AGBL4: variants seen among roughly 807,000 people sequenced by gnomAD.
AGBL4 encodes AGBL carboxypeptidase 4, also known as cytosolic carboxypeptidase 6.
A neutral mutation model predicts 66.4 loss-of-function variants in AGBL4; 58 were observed. The ratio of observed to expected loss-of-function variants is 0.87; its 90% CI spans 0.71 to 1.09. The LOEUF is 1.09. Among genes scored for constraint, AGBL4 ranks in the 50% least tolerant of loss-of-function variants. The pLI is 0.00. For missense variants in AGBL4, 579 were observed against 631.0 expected, an observed-to-expected ratio of 0.92 and a Z score of 0.88; for synonymous variants, 234 against 222.9, an observed-to-expected ratio of 1.05 and a Z score of -0.44.
intron 1 of AGBL4, among the ~76,000 whole-genome samples, chr1:49,970,241 T>C (rs1250644040): frequency 1.3e-5 from 2 of 151,592 alleles, no homozygotes; most frequent in African/African-American, 2.4e-5. Flanking sequence ...AAAGGAAAAA[T>C]AGACAAATAG....
the AGBL4 span, among the ~76,000 whole-genome samples, chr1:48,525,664 G>A: frequency 6.1e-3 from 934 of 152,268 alleles, 8 homozygotes; most frequent in Non-Finnish European, 8.1e-3. Flanking sequence ...AAGCTCTGGG[G>A]TTACTCCATC....
At chr1:48,717,819 C>T (rs1039643083) in intron 6 of AGBL4, among the ~76,000 whole-genome samples, 2 of 152,192 alleles carry the variant, frequency 1.3e-5, no homozygotes, top group Admixed American at 1.3e-4. Flanking sequence ...TTGACCCTCT[C>T]CCTTTTTAGC....
chr1:49,555,529 C>A (rs1653365248), intron 3 of AGBL4, among the ~76,000 whole-genome samples: 1 of 148,290 alleles, frequency 6.7e-6, no homozygotes, highest in Non-Finnish European at 1.5e-5. Context: ...TGTAAATGCA[C>A]CAATCAGCAC....
intron 3 of AGBL4, among the ~76,000 whole-genome samples, chr1:49,671,228 T>C (rs1646469451): frequency 6.6e-6 from 1 of 152,080 alleles, no homozygotes; most frequent in Non-Finnish European, 1.5e-5. Flanking sequence ...AAAAAATCAA[T>C]GGGGAAAAGA....
chr1:49,721,107 C>T (rs1031861104), intron 2 of AGBL4, among the ~76,000 whole-genome samples: 1 of 152,038 alleles, frequency 6.6e-6, no homozygotes, highest in Non-Finnish European at 1.5e-5. Flanking sequence ...TAAAAACGCA[C>T]CAATCAGTGC....
chr1:49,544,585 C>T (rs1271417650), intron 3 of AGBL4, among the ~76,000 whole-genome samples: 1 of 152,124 alleles, frequency 6.6e-6, no homozygotes, highest in Non-Finnish European at 1.5e-5. Flanking sequence ...AAAATACTAA[C>T]AATATAATCC....
At chr1:48,895,483 C>T (rs1651411833) in intron 5 of AGBL4, among the ~76,000 whole-genome samples, 1 of 152,252 alleles carries the variant, frequency 6.6e-6, no homozygotes, top group Non-Finnish European at 1.5e-5. Flanking sequence ...TGCTGGGAAA[C>T]ATCCTCAATC....
intron 3 of AGBL4, among the ~76,000 whole-genome samples, chr1:49,690,627 A>T (rs1646868343): frequency 1.3e-5 from 2 of 152,214 alleles, no homozygotes; most frequent in South Asian, 4.1e-4. Context: ...TAAATGAATG[A>T]ATTAATATAA....
chr1:48,634,091 C>T (rs1461050842), intron 9 of AGBL4: 3 of 154,988 alleles, frequency 1.9e-5, no homozygotes, highest in African/African-American at 7.2e-5. Context: ...ACTCAGCAGT[C>T]AAGTTCCCTA....
chr1:49,026,408 A>G (rs1181536335), intron 5 of AGBL4, among the ~76,000 whole-genome samples: 1 of 152,198 alleles, frequency 6.6e-6, no homozygotes, highest in Non-Finnish European at 1.5e-5. Flanking sequence ...TTTGATATAC[A>G]CAACAGAGTC....
At chr1:49,323,935 T>A (rs1645178100) in intron 3 of AGBL4, among the ~76,000 whole-genome samples, 1 of 152,210 alleles carries the variant, frequency 6.6e-6, no homozygotes, top group South Asian at 2.1e-4. Flanking sequence ...TTTTAGTTGC[T>A]TTTTCCCTGA....
chr1:48,825,012 G>A (rs1558020645), intron 6 of AGBL4, among the ~76,000 whole-genome samples: 1 of 152,216 alleles, frequency 6.6e-6, no homozygotes, highest in Non-Finnish European at 1.5e-5. Context: ...GATTTAATGT[G>A]AAGATGTACA....
chr1:48,825,380 C>G (rs1306458870), intron 6 of AGBL4, among the ~76,000 whole-genome samples: 3 of 152,156 alleles, frequency 2.0e-5, no homozygotes, highest in Admixed American at 2.0e-4. Context: ...AAATATCCCA[C>G]CTCAGAAAAG....
At chr1:49,013,517 C>T (rs1025353158) in intron 5 of AGBL4, among the ~76,000 whole-genome samples, 2 of 152,162 alleles carry the variant, frequency 1.3e-5, no homozygotes, top group African/African-American at 4.8e-5. Context: ...CTTCATAATA[C>T]CCAGGCAACC....
At position 48,607,294 on chromosome 1, in the gene AGBL4, C is replaced by T. The variant is rs143677908; in HGVS notation, c.952-16309G>A. On this transcript the variant is annotated intron_variant, in intron 9 of 13. Coordinates refer to ENST00000371839, the MANE Select transcript of AGBL4 (RefSeq NM_032785.4). ...GCTCAACAGCCACTGTGATAGACAACGCAAAGGAAATCTAACACCATCATA... is the reference window on the plus strand; with the variant it reads ...GCTCAACAGCCACTGTGATAGACAATGCAAAGGAAATCTAACACCATCATA... Among the ~76,000 whole-genome samples the T allele has an allele frequency of 3.7e-3, 570 of 152,184 alleles. 2 individuals are homozygous for T. Among genetic ancestry groups the T allele is most frequent in the Non-Finnish European group, 5.9e-3 (403 of 67,998 alleles).
chr1:48,971,421 A>G (rs967223565), intron 5 of AGBL4, among the ~76,000 whole-genome samples: 2 of 152,102 alleles, frequency 1.3e-5, no homozygotes, highest in East Asian at 3.9e-4. Context: ...CCTGGTGCCA[A>G]AAAGGTTGGG....
At chr1:49,018,816 T>C (rs771126758) in intron 5 of AGBL4, among the ~76,000 whole-genome samples, 1 of 152,208 alleles carries the variant, frequency 6.6e-6, no homozygotes, top group Non-Finnish European at 1.5e-5. Context: ...TTTTCCATGT[T>C]TTCTGCTAGT....
At chr1:49,783,491 A>C (rs2147910515) in intron 2 of AGBL4, among the ~76,000 whole-genome samples, 1 of 152,276 alleles carries the variant, frequency 6.6e-6, no homozygotes, top group East Asian at 1.9e-4. Context: ...AGGAATGTAA[A>C]GGTACTCTCT....
intron 3 of AGBL4, among the ~76,000 whole-genome samples, chr1:49,467,102 G>A (rs2148707219): frequency 6.6e-6 from 1 of 151,918 alleles, no homozygotes; most frequent in East Asian, 2.0e-4. Context: ...CAGGGAATTG[G>A]GGTTGAATTG....
Sources: gnomAD v4.1 joint callset for allele counts (sites outside exome capture counted in the v4.1 genomes callset) on GRCh38, gnomAD v4.1.1 for gene constraint, MANE v1.5 for transcripts, NCBI Gene and HGNC (gene_info 2026-07-23, HGNC 2026-07-21) for gene names.